Variants in INSR observed in about 807,000 individuals in gnomAD.
INSR encodes the protein insulin receptor, also known as IR.
INSR carries 67 observed loss-of-function variants against 142.6 expected under a neutral mutation model. That is an observed-to-expected ratio of 0.47 (90% CI 0.39 to 0.58). INSR has a LOEUF of 0.58. Among genes scored for constraint, INSR ranks in the 20% least tolerant of loss-of-function variants. INSR has a pLI of 0.00. For missense variants in INSR, 1,248 were observed against 1,833.2 expected (o/e 0.68, Z 5.83); for synonymous variants, 756 against 743.1 (o/e 1.02, Z -0.28).
intron 2 of INSR, among the ~76,000 whole-genome samples, chr19:7,256,862 C>T (rs1976909496): frequency 6.8e-6 from 1 of 146,812 alleles, no homozygotes; most frequent in African/African-American, 2.5e-5. Flanking sequence ...TCTTTGACAA[C>T]ATAAAAGGGA....
In INSR at chr19:7,150,431, C is replaced by A; in HGVS notation, c.2267+66G>T. ...ACAGAAACCCCTGGGTTCTCCGAGG[C>A]ATCTGCCTGGCACGCCGCCGGCCCT... On this transcript the variant is annotated intron_variant, in intron 11 of 21. Transcript: ENST00000302850. This position sits in a 1 kb window ranked among gnomAD's most constrained non-coding sequence, Gnocchi z 4.2. 6.8e-7 allele frequency: 1 copy of A among 1,477,430 alleles called. No homozygotes were observed. The highest frequency in any genetic ancestry group is 9.4e-7 in the Non-Finnish European group (1 of 1,058,296). 91.5% of individuals were successfully genotyped at this position (1,477,430 alleles called of 1,614,324 possible).
In INSR at chr19:7,167,997, G is replaced by A; in HGVS notation, c.1581C>T (p.Leu527=). 1 of 1,614,130 alleles carries A rather than the reference G, an allele frequency of 6.2e-7. No homozygotes were observed. Among genetic ancestry groups the A allele is most frequent in the Non-Finnish European group, 8.5e-7 (1 of 1,180,010 alleles). ...EPYWPPDFRD[L]LGFMLFYKEA... ...CTTTGTAGAACAGCATGAACCCCAA[G>A]AGGTCTCGGAAGTCGGGGGGCCAGT... The change falls in exon 7 of 22, where the codon CTC becomes CTT. Residue 527 remains leucine, a synonymous_variant. Coordinates refer to ENST00000302850, the MANE Select transcript of INSR (RefSeq NM_000208.4).
chr19:7,180,847 G>A (rs570929327), intron 3 of INSR, among the ~76,000 whole-genome samples: 6 of 152,160 alleles, frequency 3.9e-5, no homozygotes, highest in Non-Finnish European at 8.8e-5. Context: ...AGAACTGGCC[G>A]AGCCCTCCCG....
Position 7,166,198 on chromosome 19 carries a change from T to C in INSR, c.1817A>G (p.Tyr606Cys). Reference sequence around the variant, plus strand: ...ATAAATGATGTCACTCTTGGCCCCATAGGTCCGGCGTTCATCCGAAAAGGT... The same window carrying C: ...ATAAATGATGTCACTCTTGGCCCCACAGGTCCGGCGTTCATCCGAAAAGGT... Reference protein sequence around the residue: ...LVTFSDERRTYGAKSDIIYVQ... With the variant: ...LVTFSDERRTCGAKSDIIYVQ... Residue 606 changes from tyrosine (Y) to cysteine (C), a missense_variant, in exon 8 of 22, where the codon TAT (tyrosine) becomes TGT (cysteine). Transcript: ENST00000302850. The surrounding 1 kb of genome is among the most constrained non-coding windows in gnomAD (Gnocchi z 4.1). 6 of 1,614,084 alleles carry C rather than the reference T, an allele frequency of 3.7e-6. No individual in the cohort carries two copies. Among genetic ancestry groups the C allele is most frequent in the Non-Finnish European group, 5.1e-6 (6 of 1,180,010 alleles).
chr19:7,293,389 G>C (rs552236721), intron 1 of INSR, among the ~76,000 whole-genome samples: 1 of 152,314 alleles, frequency 6.6e-6, no homozygotes, highest in East Asian at 1.9e-4. Flanking sequence ...ATGCGCTCGG[G>C]GGACTTGGCT....
chr19:7,250,566 A>AAAGGAAGGAAGGAGGGAGGG (rs918352135), intron 2 of INSR, among the ~76,000 whole-genome samples: 22 of 136,102 alleles, frequency 1.6e-4, no homozygotes, highest in Non-Finnish European at 3.2e-4. Context: ...AAATAAAGAA[A>AAAGGAAGGAAGGAGGGAGGG]AAGGAAGGAA....
In INSR at chr19:7,114,047, CAAAAAAAAAAAAAAA is replaced by C. The variant is rs72149315; in HGVS notation, c.*2994_*3008del. ...AACACAGAGGTCCAAGGTGTTGTTGCAAAAAAAAAAAAAAAAAAAAAAAAAGCGTTCAGCACATTA... is the reference window on the plus strand; with the variant it reads ...AACACAGAGGTCCAAGGTGTTGTTGCAAAAAAAAAAGCGTTCAGCACATTA... On this transcript the variant is annotated 3_prime_UTR_variant, in exon 22 of 22. Transcript: ENST00000302850. The C allele has an allele frequency of 3.1e-5, 2 of 65,486 alleles. No individual in the cohort carries two copies. The highest frequency in any genetic ancestry group is 9.8e-3 in the Middle Eastern group (1 of 102). 4.1% of individuals were successfully genotyped at this position (65,486 alleles called of 1,614,324 possible).
chr19:7,244,922 T>C (rs1451841990), intron 2 of INSR, among the ~76,000 whole-genome samples: 2 of 148,548 alleles, frequency 1.3e-5, no homozygotes, highest in South Asian at 2.1e-4. Flanking sequence ...TTTTTTGTTT[T>C]TGTTTTTGCT....
At chr19:7,129,620 C>T (rs550198012) in intron 14 of INSR, among the ~76,000 whole-genome samples, 20 of 152,254 alleles carry the variant, frequency 1.3e-4, no homozygotes, top group South Asian at 2.1e-4. Flanking sequence ...CCAACGTGCC[C>T]GGCCAAATTC....
chr19:7,180,859 TGAG>T (rs1271719340), intron 3 of INSR, among the ~76,000 whole-genome samples: 2 of 152,114 alleles, frequency 1.3e-5, no homozygotes, highest in African/African-American at 4.8e-5. Context: ...GCCCTCCCGA[TGAG>T]GAGTTTGGAT....
At chr19:7,194,817 C>T (rs1349347585) in intron 2 of INSR, among the ~76,000 whole-genome samples, 3 of 151,778 alleles carry the variant, frequency 2.0e-5, no homozygotes, top group Non-Finnish European at 2.9e-5. Context: ...GCCAGCTTTG[C>T]TCTTTTATGG....
rs1420542090 is a variant in INSR, at chr19:7,199,080, C to T, written c.653-14443G>A. ...TTCTATTTTTTTGTAGACATGGGGA[C>T]TCGTTGCCCAGGCTGGTTTAGAACT... On this transcript the variant is annotated intron_variant, in intron 2 of 21. Coordinates refer to ENST00000302850, the MANE Select transcript of INSR (RefSeq NM_000208.4). Among the ~76,000 whole-genome samples, 3 of 151,976 alleles carry T rather than the reference C, an allele frequency of 2.0e-5. No individual in the cohort carries two copies. In the East Asian group the frequency reaches 5.8e-4, roughly 29 times the overall value.
chr19:7,255,505 CTT>C (rs55764352), intron 2 of INSR, among the ~76,000 whole-genome samples: 1 of 135,094 alleles, frequency 7.4e-6, no homozygotes, highest in African/African-American at 2.7e-5. Context: ...CCTGTCTTTT[CTT>C]TTTTTTTTTT....
chr19:7,242,923 G>T (rs886852393), intron 2 of INSR, among the ~76,000 whole-genome samples: 1 of 151,914 alleles, frequency 6.6e-6, no homozygotes, highest in East Asian at 1.9e-4. Flanking sequence ...TCAGTGTTGG[G>T]CTACTGCTAA....
chr19:7,274,892 C>A (rs1202420385), intron 1 of INSR, among the ~76,000 whole-genome samples: 1 of 151,876 alleles, frequency 6.6e-6, no homozygotes, highest in Non-Finnish European at 1.5e-5. Flanking sequence ...AGAGGCAAGC[C>A]CCAAAATTGA....
At chr19:7,213,546 G>T (rs552970430) in intron 2 of INSR, among the ~76,000 whole-genome samples, 2 of 152,092 alleles carry the variant, frequency 1.3e-5, no homozygotes, top group African/African-American at 4.8e-5. Flanking sequence ...TGCAACAAAG[G>T]TTGCAAATCA....
chr19:7,260,803 C>T (rs1236762224), intron 2 of INSR, among the ~76,000 whole-genome samples: 3 of 151,988 alleles, frequency 2.0e-5, no homozygotes, highest in African/African-American at 7.3e-5. Context: ...GATGGAGAAA[C>T]TGAGGCTTGA....
intron 20 of INSR, among the ~76,000 whole-genome samples, chr19:7,120,146 G>A (rs919895293): frequency 1.3e-5 from 2 of 152,164 alleles, no homozygotes; most frequent in Non-Finnish European, 2.9e-5. Context: ...TTGGAGAGGC[G>A]CATCAGAAAC....
chr19:7,145,307 G>A (rs982176916), intron 11 of INSR, among the ~76,000 whole-genome samples: 2 of 151,854 alleles, frequency 1.3e-5, no homozygotes, highest in African/African-American at 2.4e-5. Context: ...ACTTTAAAAC[G>A]TGTTCCTTTA....
Sources: gnomAD v4.1 joint callset for allele counts (sites outside exome capture counted in the v4.1 genomes callset) on GRCh38, gnomAD v4.1.1 for gene constraint, Gnocchi (gnomAD v3.1) non-coding constraint, MANE v1.5 for transcripts, NCBI Gene and HGNC (gene_info 2026-07-23, HGNC 2026-07-21) for gene names.